STAG1: variants seen among roughly 807,000 people sequenced by gnomAD.
STAG1 encodes cohesin subunit SA-1.
STAG1 carries 26 observed loss-of-function variants against 170.9 expected under a neutral mutation model. The ratio of observed to expected loss-of-function variants is 0.15; its 90% CI spans 0.11 to 0.21. The LOEUF is 0.21. Among genes scored for constraint, STAG1 ranks in the 10% least tolerant of loss-of-function variants. STAG1 has a pLI of 1.00. For synonymous variants in STAG1, 514 were observed against 497.7 expected, an observed-to-expected ratio of 1.03 and a Z score of -0.44; for missense variants, 964 against 1,509.5, an observed-to-expected ratio of 0.64 and a Z score of 5.99.
At chr3:136,513,221 G>T (rs191165403) in intron 7 of STAG1, among the ~76,000 whole-genome samples, 8 of 151,998 alleles carry the variant, frequency 5.3e-5, no homozygotes, top group Non-Finnish European at 1.0e-4. Context: ...CAGGCATGGT[G>T]GCACATGCCT....
intron 6 of STAG1, among the ~76,000 whole-genome samples, chr3:136,541,115 T>A (rs1294885656): frequency 6.6e-6 from 1 of 152,112 alleles, no homozygotes; most frequent in Non-Finnish European, 1.5e-5. Flanking sequence ...GGTCACACAC[T>A]GTTTGTCTTA....
intron 5 of STAG1, among the ~76,000 whole-genome samples, chr3:136,560,896 G>T (rs1936811550): frequency 6.6e-6 from 1 of 152,098 alleles, no homozygotes. Context: ...GTCATTGTTG[G>T]TGATACCACT....
intron 1 of STAG1, among the ~76,000 whole-genome samples, chr3:136,681,437 A>G (rs1363091617): frequency 1.3e-5 from 2 of 152,180 alleles, no homozygotes; most frequent in Non-Finnish European, 2.9e-5. Flanking sequence ...ATCTGCCTGT[A>G]GCCTTGGGGG....
intron 1 of STAG1, among the ~76,000 whole-genome samples, chr3:136,710,675 CAAG>C (rs199795808): frequency 6.6e-6 from 1 of 151,610 alleles, no homozygotes; most frequent in African/African-American, 2.4e-5. Context: ...TAAAGTTTGC[CAAG>C]AAGAAAAATC....
chr3:136,559,444 G>A (rs1936753459), intron 5 of STAG1, among the ~76,000 whole-genome samples: 1 of 152,108 alleles, frequency 6.6e-6, no homozygotes, highest in Admixed American at 6.6e-5. Context: ...ACAATTGTAG[G>A]TAACTGGAGC....
chr3:136,607,754 TGG>T (rs1939037218), intron 3 of STAG1, among the ~76,000 whole-genome samples: 1 of 152,224 alleles, frequency 6.6e-6, no homozygotes, highest in Non-Finnish European at 1.5e-5. Context: ...CTTTGGCCAA[TGG>T]GAGCTCTTTT....
At chr3:136,751,831 T>TGGGG (rs1935268196) in intron 1 of STAG1, among the ~76,000 whole-genome samples, 3 of 150,004 alleles carry the variant, frequency 2.0e-5, no homozygotes, top group East Asian at 3.9e-4. Context: ...AGGGCGGGCT[T>TGGGG]GGCGGCGGGC....
intron 1 of STAG1, among the ~76,000 whole-genome samples, chr3:136,677,595 C>T (rs1942164701): frequency 6.6e-6 from 1 of 151,926 alleles, no homozygotes; most frequent in African/African-American, 2.4e-5. Flanking sequence ...AGGACTCTAC[C>T]AACATGAATG....
intron 12 of STAG1, among the ~76,000 whole-genome samples, chr3:136,471,709 A>C: frequency 6.6e-6 from 1 of 152,126 alleles, no homozygotes; most frequent in East Asian, 1.9e-4. Context: ...ATTATTTTGA[A>C]ATCTCTATCA....
Position 136,608,868 on chromosome 3 carries a change from T to C in STAG1, c.133-4395A>G, listed in dbSNP as rs1042742855. On this transcript the variant is annotated intron_variant, in intron 3 of 33. Transcript: ENST00000383202. ...GTTGCTACTAGAGTACCTTTGCTTCTAGGTTCTTATGTGGACAAAACATAA... is the reference window on the plus strand; with the variant it reads ...GTTGCTACTAGAGTACCTTTGCTTCCAGGTTCTTATGTGGACAAAACATAA... Among the ~76,000 whole-genome samples, 9 of 150,890 alleles carry C rather than the reference T, an allele frequency of 6.0e-5. No individual in the cohort carries two copies. In the South Asian group the frequency reaches 1.7e-3, roughly 28 times the overall value.
At chr3:136,428,437 A>C (rs2088197430) in intron 16 of STAG1, among the ~76,000 whole-genome samples, 1 of 152,186 alleles carries the variant, frequency 6.6e-6, no homozygotes, top group Non-Finnish European at 1.5e-5. Flanking sequence ...GCCCCTGACC[A>C]ACCAGAACCC....
chr3:136,656,617 T>TTG (rs71157397), intron 1 of STAG1, among the ~76,000 whole-genome samples: 5,439 of 143,360 alleles, frequency 0.038, 120 homozygotes, highest in Non-Finnish European at 0.051. Flanking sequence ...CTGTATTTAT[T>TTG]TGTGTGTGTG....
chr3:136,730,764 CT>C (rs1933996957), intron 1 of STAG1, among the ~76,000 whole-genome samples: 1 of 152,214 alleles, frequency 6.6e-6, no homozygotes, highest in African/African-American at 2.4e-5. Context: ...GCACTTCACT[CT>C]GCTCATGACT....
rs548152632 is a variant in STAG1 at position 136,471,874 on chromosome 3, ATCAC to A, written c.1205+535_1205+538del. Among the ~76,000 whole-genome samples, 104 of 152,240 alleles carry A rather than the reference ATCAC, an allele frequency of 6.8e-4. 1 individual carries two copies. The East Asian group carries it at 0.017, about 24-fold the overall frequency. ...TATTTTTGACACAGGGTCCTGCTAT[ATCAC>A]CTATGCTGGAATGCAGTGGCTCCAT... On this transcript the variant is annotated intron_variant, in intron 12 of 33. Transcript: ENST00000383202.
chr3:136,347,105 A>G (rs1936255016), intron 29 of STAG1, among the ~76,000 whole-genome samples: 1 of 150,342 alleles, frequency 6.7e-6, no homozygotes, highest in Non-Finnish European at 1.5e-5. Flanking sequence ...AAGAAAAGAA[A>G]AACAAAAGGC....
chr3:136,681,098 C>T (rs1008251285), intron 1 of STAG1, among the ~76,000 whole-genome samples: 2 of 152,122 alleles, frequency 1.3e-5, no homozygotes, highest in African/African-American at 4.8e-5. Flanking sequence ...AGTCTATACA[C>T]ATGCAGTACA....
intron 1 of STAG1, among the ~76,000 whole-genome samples, chr3:136,730,570 T>C (rs1299318159): frequency 6.6e-6 from 1 of 152,246 alleles, no homozygotes; most frequent in Admixed American, 6.5e-5. Context: ...ACATTTTCAA[T>C]AAATATGTAC....
At chr3:136,667,676 A>T (rs1326709801) in intron 1 of STAG1, among the ~76,000 whole-genome samples, 3 of 152,036 alleles carry the variant, frequency 2.0e-5, no homozygotes, top group African/African-American at 4.8e-5. Flanking sequence ...TTATATTTTT[A>T]GTAGAGACAG....
intron 3 of STAG1, among the ~76,000 whole-genome samples, chr3:136,607,378 G>T (rs982009326): frequency 2.6e-5 from 4 of 151,848 alleles, no homozygotes; most frequent in Non-Finnish European, 1.5e-5. Context: ...TTATACTTGG[G>T]GTTCTAATTC....
Sources: gnomAD v4.1 joint callset for allele counts (sites outside exome capture counted in the v4.1 genomes callset) on GRCh38, gnomAD v4.1.1 for gene constraint, MANE v1.5 for transcripts, NCBI Gene and HGNC (gene_info 2026-07-23, HGNC 2026-07-21) for gene names.